SNX32: variants seen among roughly 807,000 people sequenced by gnomAD.
The protein encoded by SNX32 is sorting nexin 32, also known as sorting nexin-32.
A neutral mutation model predicts 57.0 loss-of-function variants in SNX32; 58 were observed. The observed-to-expected ratio is 1.02, with a 90% confidence interval of 0.82 to 1.27. The LOEUF (loss-of-function observed/expected upper bound fraction) is 1.27. Among genes scored for constraint, SNX32 ranks in the 50% most tolerant of loss-of-function variants. The pLI, the probability that SNX32 is intolerant of heterozygous loss-of-function variation, is 0.00. For missense variants in SNX32, 589 were observed against 541.2 expected (o/e 1.09, Z -0.88); for synonymous variants, 262 against 220.4 (o/e 1.19, Z -1.67).
intron 1 of SNX32, among the ~76,000 whole-genome samples, chr11:65,842,697 C>T (rs996891077): frequency 1.3e-5 from 2 of 151,486 alleles, no homozygotes; most frequent in African/African-American, 4.9e-5. Flanking sequence ...TGGCTGTAAT[C>T]CCAGCACTTT....
intron 1 of SNX32, among the ~76,000 whole-genome samples, chr11:65,844,759 G>A (rs1858941196): frequency 6.6e-6 from 1 of 151,842 alleles, no homozygotes; most frequent in African/African-American, 2.4e-5. Context: ...TTGAGGTCAG[G>A]AGTTCAAGAG....
intron 1 of SNX32, among the ~76,000 whole-genome samples, chr11:65,837,972 A>G (rs1858717387): frequency 6.6e-6 from 1 of 152,126 alleles, no homozygotes; most frequent in Admixed American, 6.6e-5. Context: ...CCTGGCCAAC[A>G]TGGTGAAACC....
Position 65,852,748 on chromosome 11 carries a change from G to A in SNX32, c.1031G>A (p.Cys344Tyr). The part of the protein sequence containing the change: ...VRPAESHQQL[C>Y]CQRFERLSDS... ...CCCGCCGAGAGCCACCAGCAGCTGT[G>A]CTGCCAACGCTTCGAGCGCCTCTCC... Residue 344 changes from cysteine (C) to tyrosine (Y), a missense_variant, in exon 11 of 13, where the codon TGC becomes TAC. By Grantham distance (194) the Cys-to-Tyr change is radical. Coordinates refer to ENST00000308342, the MANE Select transcript of SNX32 (RefSeq NM_152760.3). 6.2e-7 allele frequency: 1 copy of A among 1,608,052 alleles called. No homozygotes were observed. Among genetic ancestry groups the A allele is most frequent in the Non-Finnish European group, 8.5e-7 (1 of 1,178,890 alleles).
chr11:65,845,125 C>T (rs1426729653), intron 1 of SNX32, among the ~76,000 whole-genome samples: 3 of 144,322 alleles, frequency 2.1e-5, no homozygotes, highest in Non-Finnish European at 3.0e-5. Flanking sequence ...GCGAGAACAC[C>T]CCCCTGCTTT....
chr11:65,840,952 C>CT (rs796486455), intron 1 of SNX32, among the ~76,000 whole-genome samples: 1 of 150,624 alleles, frequency 6.6e-6, no homozygotes. Flanking sequence ...TTCTTTCTTT[C>CT]TTTTTTTTCT....
At chr11:65,845,215 G>A (rs1422748348) in intron 1 of SNX32, among the ~76,000 whole-genome samples, 9 of 151,452 alleles carry the variant, frequency 5.9e-5, no homozygotes, top group Admixed American at 1.3e-4. Flanking sequence ...CGAGGCGGGC[G>A]GATCATGAGG....
rs1859096086 is a variant in SNX32, at chr11:65,849,521, A to G, written c.80A>G (p.Gln27Arg). 6.2e-7 allele frequency: 1 copy of G among 1,614,076 alleles called. No individual in the cohort carries two copies. Among genetic ancestry groups the G allele is most frequent in the Non-Finnish European group, 8.5e-7 (1 of 1,179,932 alleles). ...GATCTGCAGGGAGACAGCTCCTTAC[A>G]GGTGGAGATTTCTGACGCAGTGAGT... ...SVDLQGDSSL[Q>R]VEISDAVSER... is the part of the protein sequence containing the mutation. The change falls in exon 2 of 13, where the codon CAG becomes CGG. Residue 27 changes from glutamine (Q) to arginine (R), a missense_variant. Coordinates refer to ENST00000308342, the MANE Select transcript of SNX32 (RefSeq NM_152760.3).
rs1565253969 is a variant in SNX32 at position 65,851,092 on chromosome 11, T to C, written c.641T>C (p.Leu214Pro). ...TTCTTTGAGCATGAGAGGACCTTCC[T>C]GTTGGAGTATCACACCCGTATCCGA... ...DDFFEHERTF[L>P]LEYHTRIRDA... The change falls in exon 7 of 13, where the codon CTG (leucine) becomes CCG (proline). Residue 214 changes from leucine (L) to proline (P), a missense_variant. Leu to Pro is a moderately conservative substitution (Grantham distance 98). Transcript: ENST00000308342. 2 of 1,614,068 alleles carry C rather than the reference T, an allele frequency of 1.2e-6. No homozygotes were observed. The highest frequency in any genetic ancestry group is 2.7e-5 in the African/African-American group (2 of 75,050).
chr11:65,850,387 G>C, intron 4 of SNX32, 44 bp from the exon 5 acceptor site: 1 of 1,612,994 alleles, frequency 6.2e-7, no homozygotes, highest in Non-Finnish European at 8.5e-7. Context: ...CAGGCAGGAT[G>C]ATGGGGGCTG....
At position 65,850,827 on chromosome 11, in the gene SNX32, C is replaced by G; in HGVS notation, c.575C>G (p.Ala192Gly). 2 of 1,613,986 alleles carry G rather than the reference C, an allele frequency of 1.2e-6. No individual in the cohort carries two copies. Among genetic ancestry groups the G allele is most frequent in the Non-Finnish European group, 8.5e-7 (1 of 1,179,934 alleles). Residue 192 changes from alanine to glycine, a missense_variant, in exon 6 of 13, where the codon GCC becomes GGC. Coordinates refer to ENST00000308342, the MANE Select transcript of SNX32 (RefSeq NM_152760.3). ...AATATTGTGAAGTCCGCGGATGAAG[C>G]CCTCATCACGGGCATGTCAGGGCTC... ...LRNIVKSADE[A>G]LITGMSGLKE... is the part of the protein sequence containing the mutation.
At chr11:65,843,780 T>C (rs77503508) in intron 1 of SNX32, among the ~76,000 whole-genome samples, 2,762 of 152,270 alleles carry the variant, frequency 0.018, 45 homozygotes, top group Non-Finnish European at 0.028. Flanking sequence ...AGGCAAACTA[T>C]AGACTAGGAA....
At chr11:65,849,758 A>C (rs1173361250) in intron 2 of SNX32, 162 bp from the exon 3 acceptor site, 3 of 763,544 alleles carry the variant, frequency 3.9e-6, no homozygotes, top group Non-Finnish European at 6.5e-6. Context: ...CCCGAGTCCT[A>C]ATCATTCCTG....
chr11:65,835,630 G>C (rs1858649405), intron 1 of SNX32: 1 of 152,246 alleles, frequency 6.6e-6, no homozygotes, highest in African/African-American at 2.4e-5. Flanking sequence ...AGCAGCTGTG[G>C]TCCACCTTTG....
rs1859239219 is a variant in SNX32, at chr11:65,852,620, A to G, written c.913-10A>G. 8 of 1,612,770 alleles carry G rather than the reference A, an allele frequency of 5.0e-6. No homozygotes were observed. The East Asian group carries it at 1.1e-4, about 22-fold the overall frequency. ...ACAGGGCAGCAGTGACCCTGTGCCC[A>G]TGGTCCTAGGACCTGCTGTACCGGC... On this transcript the variant is annotated splice_polypyrimidine_tract_variant and intron_variant, in intron 10 of 12. Transcript: ENST00000308342.
At chr11:65,850,343 T>A (rs1233715367) in intron 4 of SNX32, 72 bp downstream of exon 4, 2 of 1,613,330 alleles carry the variant, frequency 1.2e-6, no homozygotes, top group Admixed American at 1.7e-5. Context: ...CCATGAATGT[T>A]TAGCAACCCT....
At chr11:65,853,040 T>C (rs1859269259) in intron 12 of SNX32, 82 bp downstream of exon 12, 6 of 1,477,172 alleles carry the variant, frequency 4.1e-6, no homozygotes, top group Non-Finnish European at 5.7e-6. Context: ...AGGGTGTGCG[T>C]GCATGTGAGG....
At chr11:65,838,956 C>G (rs1250072609) in intron 1 of SNX32, among the ~76,000 whole-genome samples, 1 of 151,780 alleles carries the variant, frequency 6.6e-6, no homozygotes, top group East Asian at 1.9e-4. Flanking sequence ...ATAAGATACA[C>G]AGTTTCCAGA....
intron 1 of SNX32, among the ~76,000 whole-genome samples, chr11:65,849,152 A>G (rs1048435274): frequency 6.6e-6 from 1 of 152,180 alleles, no homozygotes; most frequent in African/African-American, 2.4e-5. Flanking sequence ...AAAAACAAAC[A>G]AAGAAACAAC....
rs565574638 is a variant in SNX32, at chr11:65,853,404, C to T, written c.*69C>T. On this transcript the variant is annotated 3_prime_UTR_variant, in exon 13 of 13. Transcript: ENST00000308342. ...ACCAGGGTATCCCAGACCCCTCTCT[C>T]CGGCAAGATGTCTCCTTCCCTAGCA... 3.0e-4 allele frequency: 447 copies of T among 1,491,430 alleles called. 2 individuals carry two copies. The highest frequency in any genetic ancestry group is 3.9e-4 in the Non-Finnish European group (418 of 1,070,772). The allele number at this position is 1,491,430 out of a possible 1,614,324, so 92.4% of individuals were successfully genotyped here. A position where few individuals can be genotyped will look rare whatever the true frequency, so the allele number is the denominator to read the frequency against.
Sources: allele counts gnomAD v4.1 joint callset (sites outside exome capture counted in the v4.1 genomes callset), GRCh38; gene constraint gnomAD v4.1.1; transcripts MANE v1.5; gene names NCBI Gene and HGNC (gene_info 2026-07-23, HGNC 2026-07-21).